NR3C2: variants seen among roughly 807,000 people sequenced by gnomAD.
NR3C2 encodes the protein mineralocorticoid receptor.
A neutral mutation model predicts 86.4 loss-of-function variants in NR3C2; 15 were observed. That is an observed-to-expected ratio of 0.17 (90% CI 0.12 to 0.27). The LOEUF is 0.27. Ranked by LOEUF, NR3C2 falls within the 10% of genes least tolerant of loss-of-function variation. The pLI is 1.00. For synonymous variants in NR3C2, 458 were observed against 450.5 expected, an observed-to-expected ratio of 1.02 and a Z score of -0.21; for missense variants, 960 against 1,195.6, an observed-to-expected ratio of 0.80 and a Z score of 2.91.
chr4:148,152,711 T>C (rs986110082), intron 5 of NR3C2, 98 bp from the exon 6 acceptor site: 4 of 1,198,858 alleles, frequency 3.3e-6, no homozygotes, highest in Non-Finnish European at 4.9e-6. Flanking sequence ...CACCTTTCTT[T>C]CACTTTTCTC....
At chr4:148,279,043 A>G (rs1255532583) in intron 2 of NR3C2, among the ~76,000 whole-genome samples, 1 of 152,114 alleles carries the variant, frequency 6.6e-6, no homozygotes, top group Non-Finnish European at 1.5e-5. Flanking sequence ...GGCGCCTGTA[A>G]TACCAGCTAC....
At chr4:148,366,479 C>CTTTTAAAAAGTAT (rs1561066879) in intron 2 of NR3C2, among the ~76,000 whole-genome samples, 1 of 6,168 alleles carries the variant, frequency 1.6e-4, no homozygotes, top group African/African-American at 4.2e-4. Context: ...TTAAAAAGTA[C>CTTTTAAAAAGTAT]TCAGCACTTT....
chr4:148,441,292 A>C (rs1750326951), intron 1 of NR3C2, among the ~76,000 whole-genome samples: 1 of 152,238 alleles, frequency 6.6e-6, no homozygotes, highest in South Asian at 2.1e-4. Flanking sequence ...ACGATGTCAA[A>C]CATAAAATTT....
chr4:148,362,028 G>A (rs1251136097), intron 2 of NR3C2, among the ~76,000 whole-genome samples: 1 of 152,128 alleles, frequency 6.6e-6, no homozygotes, highest in Non-Finnish European at 1.5e-5. Context: ...AGTAGACATG[G>A]GGGTTCACCA....
chr4:148,287,740 A>G (rs1344097325), intron 2 of NR3C2, among the ~76,000 whole-genome samples: 1 of 152,146 alleles, frequency 6.6e-6, no homozygotes, highest in Non-Finnish European at 1.5e-5. Context: ...TGTATTGTAA[A>G]TATTTTTTAT....
intron 6 of NR3C2, among the ~76,000 whole-genome samples, chr4:148,129,720 C>A (rs886302039): frequency 1.3e-5 from 2 of 152,136 alleles, no homozygotes; most frequent in African/African-American, 4.8e-5. Flanking sequence ...CTCAGCCTCT[C>A]AAGTAGTTGG....
intron 3 of NR3C2, among the ~76,000 whole-genome samples, chr4:148,215,926 C>T (rs1249807899): frequency 6.6e-6 from 1 of 151,760 alleles, no homozygotes; most frequent in East Asian, 1.9e-4. Context: ...ACTATAGGCG[C>T]CCACCACCAC....
intron 2 of NR3C2, among the ~76,000 whole-genome samples, chr4:148,366,480 T>TTTTAAAAAAGAATAATTTTTAAAAAGTA (rs1561066887): frequency 5.2e-5 from 1 of 19,360 alleles, no homozygotes. Flanking sequence ...TAAAAAGTAC[T>TTTTAAAAAAGAATAATTTTTAAAAAGTA]CAGCACTTTT....
intron 3 of NR3C2, among the ~76,000 whole-genome samples, chr4:148,220,146 G>C (rs1737761440): frequency 6.6e-6 from 1 of 151,950 alleles, no homozygotes; most frequent in Non-Finnish European, 1.5e-5. Flanking sequence ...GAGTGCAGTG[G>C]TGCAATCATT....
chr4:148,082,632 G>A (rs1247075945), intron 8 of NR3C2, among the ~76,000 whole-genome samples: 1 of 150,564 alleles, frequency 6.6e-6, no homozygotes, highest in Admixed American at 6.6e-5. Flanking sequence ...ACAAAACTGG[G>A]CACTGGTTAG....
At chr4:148,323,315 G>T (rs995094484) in intron 2 of NR3C2, among the ~76,000 whole-genome samples, 1 of 147,860 alleles carries the variant, frequency 6.8e-6, no homozygotes, top group Non-Finnish European at 1.5e-5. Context: ...GTCTGCAGAG[G>T]TTACTGCTGT....
rs1250083891 is a variant in NR3C2, at chr4:148,237,052, A to G, written c.1897+22926T>C. Among the ~76,000 whole-genome samples the G allele has an allele frequency of 4.6e-5, 7 of 152,220 alleles. No individual in the cohort carries two copies. In the South Asian group the frequency reaches 1.4e-3, roughly 31 times the overall value. ...GGATAATATTTTACCTTTGTACCAC[A>G]AACATTCTTATCTTTACATTTATAT... is the stretch of plus-strand genomic sequence containing the variant. On this transcript the variant is annotated intron_variant, in intron 3 of 8. Coordinates refer to ENST00000358102, the MANE Select transcript of NR3C2 (RefSeq NM_000901.5).
At chr4:148,232,738 G>A (rs964023381) in intron 3 of NR3C2, among the ~76,000 whole-genome samples, 2 of 152,182 alleles carry the variant, frequency 1.3e-5, no homozygotes, top group African/African-American at 4.8e-5. Flanking sequence ...CATCTACATT[G>A]AACATCTATT....
chr4:148,422,587 G>A (rs1194291068), intron 2 of NR3C2, among the ~76,000 whole-genome samples: 1 of 151,968 alleles, frequency 6.6e-6, no homozygotes, highest in Non-Finnish European at 1.5e-5. Context: ...TCTACTTCTG[G>A]AAAGAGTACT....
At chr4:148,307,540 T>A (rs1333012188) in intron 2 of NR3C2, among the ~76,000 whole-genome samples, 4 of 152,190 alleles carry the variant, frequency 2.6e-5, no homozygotes, top group Non-Finnish European at 5.9e-5. Flanking sequence ...TATATCTAAA[T>A]CATGAGAACT....
At chr4:148,119,554 G>A (rs917913833) in intron 7 of NR3C2, among the ~76,000 whole-genome samples, 3 of 152,170 alleles carry the variant, frequency 2.0e-5, no homozygotes, top group Non-Finnish European at 4.4e-5. Context: ...AGCACTTTGG[G>A]ACCCTGAGGC....
At chr4:148,192,299 G>C (rs1736235148) in intron 4 of NR3C2, among the ~76,000 whole-genome samples, 1 of 152,204 alleles carries the variant, frequency 6.6e-6, no homozygotes, top group Non-Finnish European at 1.5e-5. Flanking sequence ...GGCTGGCATT[G>C]GGGGTTGTCT....
chr4:148,213,454 A>G (rs1737379692), intron 3 of NR3C2, among the ~76,000 whole-genome samples: 1 of 152,204 alleles, frequency 6.6e-6, no homozygotes, highest in Non-Finnish European at 1.5e-5. Flanking sequence ...GTTTAGTGTT[A>G]CCTAATAACT....
intron 6 of NR3C2, among the ~76,000 whole-genome samples, chr4:148,126,364 T>C (rs193157267): frequency 3.9e-4 from 59 of 152,332 alleles, no homozygotes; most frequent in African/African-American, 1.4e-3. Context: ...AAGAGACCAA[T>C]GATCATTTGG....
Sources: gnomAD v4.1 joint callset for allele counts (sites outside exome capture counted in the v4.1 genomes callset) on GRCh38, gnomAD v4.1.1 for gene constraint, MANE v1.5 for transcripts, NCBI Gene and HGNC (gene_info 2026-07-23, HGNC 2026-07-21) for gene names.